RTF1: variants seen among roughly 807,000 people sequenced by gnomAD.
RTF1 encodes RTF1 homolog, Paf1/RNA polymerase II complex component, also known as RNA polymerase-associated protein RTF1 homolog.
RTF1 carries 10 observed loss-of-function variants against 95.7 expected under a neutral mutation model. The ratio of observed to expected loss-of-function variants is 0.10; its 90% CI spans 0.06 to 0.18. The LOEUF is 0.18. Among genes scored for constraint, RTF1 ranks in the 10% least tolerant of loss-of-function variants. The probability of loss-of-function intolerance (pLI) is 1.00; values close to 1 mark genes in which losing one functional copy is unlikely to be tolerated. For synonymous variants in RTF1, 305 were observed against 311.8 expected, an observed-to-expected ratio of 0.98 and a Z score of 0.23; for missense variants, 458 against 875.6, an observed-to-expected ratio of 0.52 and a Z score of 6.02.
chr15:41,431,196 G>A (rs1188226765), intron 1 of RTF1, among the ~76,000 whole-genome samples: 3 of 150,108 alleles, frequency 2.0e-5, no homozygotes, highest in Non-Finnish European at 3.0e-5. Context: ...GAGCCACTGC[G>A]TCCAGCGGGT....
chr15:41,470,535 C>T (rs965232182), intron 7 of RTF1, 143 bp downstream of exon 7: 39 of 820,924 alleles, frequency 4.8e-5, no homozygotes, highest in Non-Finnish European at 7.3e-5. Context: ...TTCCCCAGCA[C>T]GTCAGCCCAT....
intron 8 of RTF1, among the ~76,000 whole-genome samples, chr15:41,473,638 T>C (rs1183680848): frequency 1.3e-5 from 2 of 152,034 alleles, no homozygotes. Context: ...TCAGAGCTCA[T>C]TGCAACCTTG....
intron 8 of RTF1, among the ~76,000 whole-genome samples, chr15:41,471,851 G>GATTT (rs1044318533): frequency 1.3e-5 from 2 of 151,856 alleles, no homozygotes; most frequent in African/African-American, 2.4e-5. Context: ...AACACTTTGG[G>GATTT]ATTTATTTAT....
chr15:41,458,843 G>A (rs1188943723), intron 4 of RTF1, among the ~76,000 whole-genome samples: 1 of 151,894 alleles, frequency 6.6e-6, no homozygotes, highest in African/African-American at 2.4e-5. Flanking sequence ...AGGCCAAGGC[G>A]GGCGGATCAC....
intron 2 of RTF1, among the ~76,000 whole-genome samples, chr15:41,447,206 G>A (rs1172232816): frequency 6.6e-6 from 1 of 152,166 alleles, no homozygotes; most frequent in Non-Finnish European, 1.5e-5. Flanking sequence ...TGGGTCCTGA[G>A]ACCTAGGAAT....
At chr15:41,468,481 C>T (rs947533168) in intron 6 of RTF1, among the ~76,000 whole-genome samples, 5 of 152,008 alleles carry the variant, frequency 3.3e-5, no homozygotes, top group Non-Finnish European at 5.9e-5. Flanking sequence ...CCACGCCCAG[C>T]TAATTTTTTG....
intron 11 of RTF1, 28 bp from the exon 12 acceptor site, chr15:41,476,418 C>T: frequency 6.3e-7 from 1 of 1,593,556 alleles, no homozygotes; most frequent in East Asian, 2.2e-5. Context: ...AGGAATACCT[C>T]ACTGCTGGTA....
chr15:41,470,454 G>T (rs2050904411), intron 7 of RTF1, 62 bp downstream of exon 7: 1 of 1,567,548 alleles, frequency 6.4e-7, no homozygotes. Flanking sequence ...GAAGAGCTTG[G>T]TATCGTTTCC....
In RTF1 at chr15:41,471,269, A is replaced by G. The variant is rs762794358; in HGVS notation, c.1123A>G (p.Met375Val). 4 of 1,614,118 alleles carry G rather than the reference A, an allele frequency of 2.5e-6. No homozygotes were observed. Among genetic ancestry groups the G allele is most frequent in the Non-Finnish European group, 2.5e-6 (3 of 1,180,026 alleles). The change falls in exon 8 of 18, where the codon ATG (methionine) becomes GTG (valine). Residue 375 changes from methionine (M) to valine (V), a missense_variant. Coordinates refer to ENST00000389629, the MANE Select transcript of RTF1 (RefSeq NM_015138.5). ...GCATAAGCTAGAACGCTGGTGTCAC[A>G]TGCCCTTCTTTGCTAAAACTGTCAC... ...SRHKLERWCH[M>V]PFFAKTVTGC...
intron 2 of RTF1, among the ~76,000 whole-genome samples, chr15:41,445,486 A>G (rs2050756216): frequency 6.6e-6 from 1 of 152,202 alleles, no homozygotes; most frequent in Admixed American, 6.5e-5. Context: ...TGTCTTCATA[A>G]CTAGACTGCA....
In RTF1 at chr15:41,454,291, A is replaced by G. The variant is rs554166238; in HGVS notation, c.457+1243A>G. Among the ~76,000 whole-genome samples the G allele has an allele frequency of 1.3e-4, 20 of 152,118 alleles. No individual in the cohort carries two copies. In the South Asian group the frequency reaches 4.1e-3, roughly 32 times the overall value. ...TTTTTAGTAGAGATGGGGTTTCACC[A>G]TGTTGGCCAGGCTGGTCTTGAACTC... On this transcript the variant is annotated intron_variant, in intron 3 of 17. Transcript: ENST00000389629.
rs901877276 is a variant in RTF1, at chr15:41,483,186, T to G, written c.*2499T>G. ...AGGCAGTGCCTCTGAACCAAGATCTTGGTCAGGCATTAAGACACTGGCTTT... is the reference window on the plus strand; with the variant it reads ...AGGCAGTGCCTCTGAACCAAGATCTGGGTCAGGCATTAAGACACTGGCTTT... On this transcript the variant is annotated 3_prime_UTR_variant, in exon 18 of 18. Transcript: ENST00000389629. 3.9e-5 allele frequency: 6 copies of G among 152,578 alleles called. No individual in the cohort carries two copies. The highest frequency in any genetic ancestry group is 1.4e-4 in the African/African-American group (6 of 41,426). The allele number at this position is 152,578 out of a possible 1,614,324, so 9.5% of individuals were successfully genotyped here. A position where few individuals can be genotyped will look rare whatever the true frequency, so the allele number is the denominator to read the frequency against.
At chr15:41,461,576 T>C (rs1407591932) in intron 4 of RTF1, among the ~76,000 whole-genome samples, 1 of 150,768 alleles carries the variant, frequency 6.6e-6, no homozygotes, top group Non-Finnish European at 1.5e-5. Context: ...GACTGCAAGC[T>C]CCGCTTCCCG....
At chr15:41,433,628 C>G (rs1039370811) in intron 1 of RTF1, among the ~76,000 whole-genome samples, 1 of 151,866 alleles carries the variant, frequency 6.6e-6, no homozygotes, top group Non-Finnish European at 1.5e-5. Flanking sequence ...GCCCAGAAGT[C>G]TTTAAAGCTT....
At chr15:41,439,686 T>C (rs1478327993) in intron 2 of RTF1, among the ~76,000 whole-genome samples, 1 of 152,222 alleles carries the variant, frequency 6.6e-6, no homozygotes, top group African/African-American at 2.4e-5. Context: ...AGTCTCACTC[T>C]TATCGCCCAG....
At chr15:41,435,217 T>C (rs376799803) in intron 1 of RTF1, among the ~76,000 whole-genome samples, 11 of 152,128 alleles carry the variant, frequency 7.2e-5, no homozygotes, top group African/African-American at 2.7e-4. Flanking sequence ...AGAGATGAGA[T>C]TAGATCTTCT....
chr15:41,427,253 G>A (rs1202656326), intron 1 of RTF1, among the ~76,000 whole-genome samples: 74 of 147,192 alleles, frequency 5.0e-4, no homozygotes, highest in African/African-American at 1.7e-3. Context: ...CCGGGTTCAC[G>A]CCATTCTCCT....
At chr15:41,424,182 T>C (rs1454695508) in intron 1 of RTF1, among the ~76,000 whole-genome samples, 1 of 152,110 alleles carries the variant, frequency 6.6e-6, no homozygotes, top group Admixed American at 6.6e-5. Flanking sequence ...GGTGGGGAGA[T>C]TGCTCAGAGA....
intron 1 of RTF1, among the ~76,000 whole-genome samples, chr15:41,418,784 C>CAAA (rs753790136): frequency 1.7e-4 from 9 of 52,840 alleles, no homozygotes; most frequent in African/African-American, 5.0e-4. Context: ...AACTCCATCA[C>CAAA]AAAAAAAAAA....
Sources: allele counts gnomAD v4.1 joint callset (sites outside exome capture counted in the v4.1 genomes callset), GRCh38; gene constraint gnomAD v4.1.1; transcripts MANE v1.5; gene names NCBI Gene and HGNC (gene_info 2026-07-23, HGNC 2026-07-21).